Variants in RBFOX1 observed in about 807,000 individuals in gnomAD.
RBFOX1 encodes RNA binding fox-1 homolog 1, also known as RNA binding protein fox-1 homolog 1.
In RBFOX1, 8 loss-of-function variants were observed where a neutral mutation model predicts 57.7. That is an observed-to-expected ratio of 0.14 (90% CI 0.08 to 0.25). The LOEUF (loss-of-function observed/expected upper bound fraction) is 0.25, where lower values mean the gene tolerates loss of function less well. Among genes scored for constraint, RBFOX1 ranks in the 10% least tolerant of loss-of-function variants. The pLI is 1.00. For missense variants in RBFOX1, 611 were observed against 548.5 expected (o/e 1.11, Z -1.14); for synonymous variants, 326 against 222.4 (o/e 1.47, Z -4.15).
rs117567668 is a variant in RBFOX1, at chr16:6,225,852, T to C, written c.-126-91143T>C. ...TGTGCAACATCTTTACAAAAGTTGT[T>C]CTTGTGATTTAATGCAAAAGCCTTT... On this transcript the variant is annotated intron_variant, in intron 1 of 15. Transcript: ENST00000550418. 8.9e-4 allele frequency among the ~76,000 whole-genome samples: 135 copies of C among 152,310 alleles called. 4 individuals carry two copies. In the East Asian group the frequency reaches 0.018, roughly 21 times the overall value.
intron 2 of RBFOX1, among the ~76,000 whole-genome samples, chr16:6,383,903 T>C (rs761825765): frequency 7.2e-5 from 11 of 152,158 alleles, no homozygotes; most frequent in Non-Finnish European, 1.2e-4. Flanking sequence ...GTTTTGTTTT[T>C]TGAAGCATAA....
chr16:5,557,312 T>C (rs11641512), intron 2 of RBFOX1, among the ~76,000 whole-genome samples: 63,889 of 151,062 alleles, frequency 0.42, 13,978 homozygotes, highest in African/African-American at 0.49. Flanking sequence ...TAAAAATTTC[T>C]GAAAGGTTGT....
intron 1 of RBFOX1, among the ~76,000 whole-genome samples, chr16:6,102,691 G>A (rs1017277945): frequency 1.3e-5 from 2 of 152,142 alleles, no homozygotes; most frequent in Non-Finnish European, 2.9e-5. Flanking sequence ...TTATAGAACG[G>A]TTATTGAATC....
intron 3 of RBFOX1, among the ~76,000 whole-genome samples, chr16:6,905,352 G>C (rs115627846): frequency 6.6e-6 from 1 of 151,848 alleles, no homozygotes. Context: ...TTGGGAGTTC[G>C]AGACTCCCAG....
chr16:6,932,636 C>T (rs1185386763), intron 3 of RBFOX1, among the ~76,000 whole-genome samples: 2 of 152,198 alleles, frequency 1.3e-5, no homozygotes, highest in African/African-American at 4.8e-5. Flanking sequence ...CATCTAGCCC[C>T]AGGCATCTTT....
intron 4 of RBFOX1, among the ~76,000 whole-genome samples, chr16:7,494,146 A>G (rs866851743): frequency 1.3e-4 from 20 of 152,196 alleles, no homozygotes; most frequent in African/African-American, 4.6e-4. Context: ...GATAATTCAC[A>G]TGGCCCCACT....
At chr16:5,852,549 G>A (rs947085685) in intron 3 of RBFOX1, among the ~76,000 whole-genome samples, 1 of 152,188 alleles carries the variant, frequency 6.6e-6, no homozygotes, top group African/African-American at 2.4e-5. Flanking sequence ...CATAACTGTT[G>A]TGGCACCTTT....
chr16:6,660,285 G>C (rs1302253133), intron 3 of RBFOX1, among the ~76,000 whole-genome samples: 1 of 151,550 alleles, frequency 6.6e-6, no homozygotes, highest in African/African-American at 2.4e-5. Flanking sequence ...AATAGCTAAT[G>C]CATGCTGGGC....
At chr16:5,766,231 G>A (rs1335690368) in intron 3 of RBFOX1, among the ~76,000 whole-genome samples, 2 of 152,140 alleles carry the variant, frequency 1.3e-5, no homozygotes, top group Non-Finnish European at 2.9e-5. Flanking sequence ...AGAAGGAGAA[G>A]GGGCGTCTCA....
chr16:5,795,548 C>T (rs2054849906), intron 3 of RBFOX1, among the ~76,000 whole-genome samples: 2 of 152,158 alleles, frequency 1.3e-5, no homozygotes, highest in South Asian at 4.1e-4. Context: ...GCCTTGGCCT[C>T]CCAAAGTGCT....
intron 2 of RBFOX1, among the ~76,000 whole-genome samples, chr16:6,374,102 A>G (rs2090859410): frequency 1.3e-5 from 2 of 152,216 alleles, no homozygotes; most frequent in African/African-American, 4.8e-5. Flanking sequence ...TTTAAAGAAA[A>G]CTAAGGATGC....
chr16:7,413,324 C>G (rs917113034), intron 4 of RBFOX1, among the ~76,000 whole-genome samples: 2 of 152,080 alleles, frequency 1.3e-5, no homozygotes, highest in African/African-American at 2.4e-5. Flanking sequence ...GACCCCCTGC[C>G]TCCCTTCCCC....
At chr16:7,554,823 C>A (rs139898486) in intron 5 of RBFOX1, among the ~76,000 whole-genome samples, 466 of 152,208 alleles carry the variant, frequency 3.1e-3, no homozygotes, top group South Asian at 6.2e-3. Flanking sequence ...ATGTTCTAAC[C>A]AAGCAAGCTT....
chr16:6,740,975 T>G (rs1031689542), intron 3 of RBFOX1, among the ~76,000 whole-genome samples: 2 of 152,202 alleles, frequency 1.3e-5, no homozygotes, highest in Admixed American at 6.5e-5. Context: ...CAAGACGTTA[T>G]GTAACTCCAG....
At position 7,475,813 on chromosome 16, in the gene RBFOX1, A is replaced by C. The variant is rs372430945; in HGVS notation, c.28-42334A>C. Among the ~76,000 whole-genome samples, 27 of 152,262 alleles carry C rather than the reference A, an allele frequency of 1.8e-4. No individual in the cohort carries two copies. In the East Asian group the frequency reaches 1.9e-3, roughly 11 times the overall value. On this transcript the variant is annotated intron_variant, in intron 4 of 15. Transcript: ENST00000550418. ...CTAACAGAGCACCTGAAAGTTATTAATTTGAATATATGTTGGTAACAGATT... is the reference window on the plus strand; with the variant it reads ...CTAACAGAGCACCTGAAAGTTATTACTTTGAATATATGTTGGTAACAGATT...
intron 11 of RBFOX1, among the ~76,000 whole-genome samples, chr16:7,640,905 A>AG (rs34241956): frequency 0.025 from 16 of 652 alleles, no homozygotes; most frequent in Middle Eastern, 0.5. Flanking sequence ...GATTTACATT[A>AG]AAAAAAAAAA....
intron 4 of RBFOX1, among the ~76,000 whole-genome samples, chr16:7,270,320 A>G (rs1171568897): frequency 1.3e-5 from 2 of 152,228 alleles, no homozygotes; most frequent in Non-Finnish European, 2.9e-5. Context: ...GGTTTTTATG[A>G]AAAACCAAAC....
At chr16:6,666,913 A>T (rs564101665) in intron 3 of RBFOX1, among the ~76,000 whole-genome samples, 1 of 152,228 alleles carries the variant, frequency 6.6e-6, no homozygotes, top group South Asian at 2.1e-4. Flanking sequence ...CAAAATGCTC[A>T]CGGTTCCAAG....
chr16:5,357,915 G>T (rs1246929398), intron 1 of RBFOX1, among the ~76,000 whole-genome samples: 1 of 152,212 alleles, frequency 6.6e-6, no homozygotes, highest in Non-Finnish European at 1.5e-5. Context: ...TGACGATTAG[G>T]AATACTAATA....
Sources: gnomAD v4.1 joint callset for allele counts (sites outside exome capture counted in the v4.1 genomes callset) on GRCh38, gnomAD v4.1.1 for gene constraint, MANE v1.5 for transcripts, NCBI Gene and HGNC (gene_info 2026-07-23, HGNC 2026-07-21) for gene names.